Variants in TMEM212 observed in about 807,000 individuals in gnomAD.
TMEM212 encodes the protein transmembrane protein 212.
In TMEM212, 23 loss-of-function variants were observed where a neutral mutation model predicts 20.5. The observed-to-expected ratio is 1.12, with a 90% CI of 0.81 to 1.59. The LOEUF (loss-of-function observed/expected upper bound fraction) is 1.59, where lower values mean the gene tolerates loss of function less well. Ranked by LOEUF, TMEM212 falls within the 40% of genes most tolerant of loss-of-function variation. The pLI is 0.00. For missense variants in TMEM212, 211 were observed against 215.0 expected, an observed-to-expected ratio of 0.98 and a Z score of 0.12; for synonymous variants, 76 against 81.6, an observed-to-expected ratio of 0.93 and a Z score of 0.37.
chr3:171,850,138 A>G (rs1269203953), intron 1 of TMEM212, among the ~76,000 whole-genome samples: 1 of 152,164 alleles, frequency 6.6e-6, no homozygotes, highest in African/African-American at 2.4e-5. Context: ...GGAAGAAAGA[A>G]AAGGGGAAGT....
chr3:171,852,055 T>C lies in TMEM212; in HGVS notation c.219+14T>C, dbSNP rs1724989081. ...CAGAGGTACCTGGTAAATATACCGA[T>C]GCCAAGTAGGATGGTAGAGAGGCTT... On this transcript the variant is annotated intron_variant, in intron 2 of 4. Coordinates refer to ENST00000334567, the MANE Select transcript of TMEM212 (RefSeq NM_001164436.2). 3.9e-6 allele frequency: 6 copies of C among 1,533,792 alleles called. No homozygotes were observed. In the Admixed American group the frequency reaches 5.9e-5, roughly 15 times the overall value.
chr3:171,848,536 A>G (rs1364480053), intron 1 of TMEM212, among the ~76,000 whole-genome samples: 1 of 152,088 alleles, frequency 6.6e-6, no homozygotes, highest in Admixed American at 6.5e-5. Flanking sequence ...TCTATTGAGT[A>G]GCTAGCAGTA....
At chr3:171,846,561 T>A (rs1157503283) in intron 1 of TMEM212, among the ~76,000 whole-genome samples, 1 of 152,208 alleles carries the variant, frequency 6.6e-6, no homozygotes, top group African/African-American at 2.4e-5. Context: ...TCAATAAGTA[T>A]TGTTGAATGA....
intron 1 of TMEM212, among the ~76,000 whole-genome samples, chr3:171,850,601 C>A (rs1227045358): frequency 2.0e-5 from 3 of 152,166 alleles, no homozygotes; most frequent in Non-Finnish European, 4.4e-5. Flanking sequence ...GCACAGAAAG[C>A]CCCAGGCTTA....
At chr3:171,852,379 C>G (rs900407237) in intron 2 of TMEM212, among the ~76,000 whole-genome samples, 1 of 151,966 alleles carries the variant, frequency 6.6e-6, no homozygotes, top group Non-Finnish European at 1.5e-5. Flanking sequence ...TTTTGTATTT[C>G]TAGTAAAGAC....
At chr3:171,844,446 G>A (rs530185753) in intron 1 of TMEM212, among the ~76,000 whole-genome samples, 116 of 152,284 alleles carry the variant, frequency 7.6e-4, no homozygotes, top group African/African-American at 2.6e-3. Context: ...GGTGGCTCAC[G>A]CTTGTAATCC....
intron 1 of TMEM212, among the ~76,000 whole-genome samples, chr3:171,847,008 A>G (rs868014427): frequency 3.9e-5 from 6 of 152,208 alleles, no homozygotes; most frequent in Non-Finnish European, 5.9e-5. Context: ...AGTACTTTGA[A>G]TTTGTTCAAA....
rs1457689134 is a variant in TMEM212 at position 171,856,849 on chromosome 3, G to T, written c.*3+142G>T. On this transcript the variant is annotated intron_variant, in intron 4 of 4. Transcript: ENST00000334567. ...TTACCTAAATGTCTTATTAAAATGG[G>T]TACTGCATCTGACTGGGATGTTTCC... 6 of 426,874 alleles carry T rather than the reference G, an allele frequency of 1.4e-5. No homozygotes were observed. The South Asian group carries it at 4.1e-4, about 29-fold the overall frequency. The allele number at this position is 426,874 out of a possible 1,614,324, so 26.4% of individuals were successfully genotyped here. A position where few individuals can be genotyped will look rare whatever the true frequency, so the allele number is the denominator to read the frequency against.
rs1162478420 is a variant in TMEM212, at chr3:171,853,711, G to T, written c.404G>T (p.Cys135Phe). ...CCATATGCAAAATTCCCATTAGCCT[G>T]TGTGGACCCACCACACTACGAAGAG... Reference protein sequence around the residue: ...PYPYAKFPLACVDPPHYEEYH... With the variant: ...PYPYAKFPLAFVDPPHYEEYH... The change falls in exon 3 of 5, where the codon TGT becomes TTT. Residue 135 changes from cysteine to phenylalanine, a missense_variant. Transcript: ENST00000334567. 2 of 1,537,478 alleles carry T rather than the reference G, an allele frequency of 1.3e-6. No homozygotes were observed. The highest frequency in any genetic ancestry group is 2.0e-5 in the Admixed American group (1 of 50,980).
rs761862632 is a variant in TMEM212 at position 171,853,787 on chromosome 3, CTG to C, written c.482_483del (p.Cys161TyrfsTer69). The C allele has an allele frequency of 1.2e-5, 18 of 1,537,082 alleles. No homozygotes were observed. Among genetic ancestry groups the C allele is most frequent in the Non-Finnish European group, 1.6e-5 (18 of 1,146,854 alleles). On this transcript the variant is annotated frameshift_variant, in exon 3 of 5. Coordinates refer to ENST00000334567, the MANE Select transcript of TMEM212 (RefSeq NM_001164436.2). LOFTEE classifies it high-confidence loss of function. ...LDLCLSFTLL[C>X]TSLTVFIKLS... ...ACCTGTGCCTAAGCTTTACCCTACTCTGTACATCCTTGACAGTGTTCATCAAA... is the reference window on the plus strand; with the variant it reads ...ACCTGTGCCTAAGCTTTACCCTACTCTACATCCTTGACAGTGTTCATCAAA...
chr3:171,846,945 T>G (rs1263579701), intron 1 of TMEM212, among the ~76,000 whole-genome samples: 1 of 152,228 alleles, frequency 6.6e-6, no homozygotes, highest in Non-Finnish European at 1.5e-5. Flanking sequence ...CTTTTACAGA[T>G]GACTCCATAT....
intron 3 of TMEM212, among the ~76,000 whole-genome samples, chr3:171,856,369 A>G (rs1482815781): frequency 2.0e-5 from 3 of 152,178 alleles, no homozygotes; most frequent in African/African-American, 7.2e-5. Context: ...AGCCTAGTAA[A>G]CTGGATAAGT....
At chr3:171,852,408 C>T (rs918961699) in intron 2 of TMEM212, among the ~76,000 whole-genome samples, 17 of 152,136 alleles carry the variant, frequency 1.1e-4, no homozygotes, top group Non-Finnish European at 2.5e-4. Flanking sequence ...GCCATGTTGG[C>T]CAGGCTGGTC....
At chr3:171,849,438 T>C (rs1430260784) in intron 1 of TMEM212, among the ~76,000 whole-genome samples, 1 of 152,228 alleles carries the variant, frequency 6.6e-6, no homozygotes, top group East Asian at 1.9e-4. Context: ...GGGGATCTTG[T>C]TCATCTTATT....
Position 171,858,408 on chromosome 3 carries a change from T to C in TMEM212, c.*351T>C, listed in dbSNP as rs577116503. ...AACTGGATCCCTTCCTTACACCTTA[T>C]ATAAAAATTAACTCAAGATGGATTA... On this transcript the variant is annotated 3_prime_UTR_variant, in exon 5 of 5. Transcript: ENST00000334567. The C allele has an allele frequency of 1.3e-5, 2 of 152,068 alleles. No individual in the cohort carries two copies. The highest frequency in any genetic ancestry group is 4.8e-5 in the African/African-American group (2 of 41,340). 9.4% of individuals were successfully genotyped at this position (152,068 alleles called of 1,614,324 possible). A position where few individuals can be genotyped will look rare whatever the true frequency, so the allele number is the denominator to read the frequency against.
At position 171,853,583 on chromosome 3, in the gene TMEM212, T is replaced by C. The variant is rs1725039234; in HGVS notation, c.276T>C (p.Phe92=). The change falls in exon 3 of 5, where the codon TTT becomes TTC. Residue 92 remains phenylalanine (F), a synonymous_variant. Transcript: ENST00000334567. ...GCATTATGGGATGTCCACTTCATTT[T>C]GCAATAGCCTTGGAATCTGCTCTCC... ...ILSIMGCPLH[F]AIALESALLG... 6.5e-7 allele frequency: 1 copy of C among 1,537,102 alleles called. No individual in the cohort carries two copies. Among genetic ancestry groups the C allele is most frequent in the African/African-American group, 1.4e-5 (1 of 73,050 alleles).
At chr3:171,845,772 G>T (rs1386485694) in intron 1 of TMEM212, among the ~76,000 whole-genome samples, 1 of 152,094 alleles carries the variant, frequency 6.6e-6, no homozygotes, top group Non-Finnish European at 1.5e-5. Context: ...AGGACCCTCA[G>T]CCAGCCAGTT....
Position 171,857,643 on chromosome 3 carries a change from G to A in TMEM212, c.*4-418G>A, listed in dbSNP as rs1725150924. Among the ~76,000 whole-genome samples, 4 of 152,024 alleles carry A rather than the reference G, an allele frequency of 2.6e-5. No homozygotes were observed. The South Asian group carries it at 8.3e-4, about 32-fold the overall frequency. ...ATTTTCAAACCATATACAGGACAAG[G>A]GATTAATATCCAAAATATATAAGGA... On this transcript the variant is annotated intron_variant, in intron 4 of 4. Coordinates refer to ENST00000334567, the MANE Select transcript of TMEM212 (RefSeq NM_001164436.2).
At chr3:171,848,881 C>T (rs1303487132) in intron 1 of TMEM212, among the ~76,000 whole-genome samples, 2 of 151,012 alleles carry the variant, frequency 1.3e-5, no homozygotes, top group African/African-American at 2.4e-5. Context: ...TAGGCCTCCC[C>T]GTATTCCAAT....
Sources: allele counts gnomAD v4.1 joint callset (sites outside exome capture counted in the v4.1 genomes callset), GRCh38; gene constraint gnomAD v4.1.1; transcripts MANE v1.5; gene names NCBI Gene and HGNC (gene_info 2026-07-23, HGNC 2026-07-21).